LINGO2: variants seen among roughly 807,000 people sequenced by gnomAD.
LINGO2 encodes leucine rich repeat and Ig domain containing 2, also known as leucine-rich repeat and immunoglobulin-like domain-containing nogo receptor-interacting protein 2.
LINGO2 carries 14 observed loss-of-function variants against 30.6 expected under a neutral mutation model. That is an observed-to-expected ratio of 0.46 (90% CI 0.30 to 0.72). The LOEUF (loss-of-function observed/expected upper bound fraction) is 0.72. Ranked by LOEUF, LINGO2 falls within the 30% of genes least tolerant of loss-of-function variation. The pLI, the probability that LINGO2 is intolerant of heterozygous loss-of-function variation, is 0.07. For synonymous variants in LINGO2, 317 were observed against 288.5 expected (o/e 1.10, Z -1.00); for missense variants, 729 against 751.7 (o/e 0.97, Z 0.35).
At chr9:28,306,362 G>GATGTTCTTTGAAACCTACGAGA (rs1824354663) in intron 3 of LINGO2, among the ~76,000 whole-genome samples, 1 of 152,066 alleles carries the variant, frequency 6.6e-6, no homozygotes, top group Non-Finnish European at 1.5e-5. Flanking sequence ...CAGAAATAAG[G>GATGTTCTTTGAAACCTACGAGA]ATGTTCTTTG....
At chr9:29,059,465 T>C in the LINGO2 span, among the ~76,000 whole-genome samples, 1 of 151,268 alleles carries the variant, frequency 6.6e-6, no homozygotes, top group African/African-American at 2.4e-5. Flanking sequence ...GGACTCAAAA[T>C]ACCTAATATC....
intron 4 of LINGO2, among the ~76,000 whole-genome samples, chr9:28,163,571 G>T (rs1365085058): frequency 1.3e-5 from 2 of 152,090 alleles, no homozygotes; most frequent in African/African-American, 4.8e-5. Flanking sequence ...GGAGTAATGA[G>T]TAGATAGATA....
At chr9:28,277,854 A>G in intron 4 of LINGO2, among the ~76,000 whole-genome samples, 1 of 151,240 alleles carries the variant, frequency 6.6e-6, no homozygotes, top group Admixed American at 6.6e-5. Context: ...AAAAAACAAA[A>G]AAAAAAACAA....
the LINGO2 span, among the ~76,000 whole-genome samples, chr9:28,740,612 CTTTT>C: frequency 6.6e-6 from 1 of 150,816 alleles, no homozygotes; most frequent in African/African-American, 2.4e-5. Flanking sequence ...CTTTTTTCTT[CTTTT>C]GTGTTGTGAG....
At chr9:28,371,570 G>C (rs1820897717) in intron 3 of LINGO2, among the ~76,000 whole-genome samples, 1 of 152,098 alleles carries the variant, frequency 6.6e-6, no homozygotes, top group African/African-American at 2.4e-5. Flanking sequence ...CATCACCTTG[G>C]GGGTTAGGAC....
At chr9:28,315,405 GA>G (rs11285660) in intron 3 of LINGO2, among the ~76,000 whole-genome samples, 11,032 of 141,316 alleles carry the variant, frequency 0.078, 471 homozygotes, top group South Asian at 0.15. Context: ...CCGTCTCGGG[GA>G]AAAAAAAAAA....
intron 4 of LINGO2, among the ~76,000 whole-genome samples, chr9:28,164,647 A>G (rs2044961): frequency 0.48 from 73,286 of 152,016 alleles, 18,997 homozygotes; most frequent in East Asian, 0.63. Flanking sequence ...ATATCAGGCA[A>G]TCTGAAAAGT....
At chr9:28,116,960 G>C (rs1826924800) in intron 4 of LINGO2, among the ~76,000 whole-genome samples, 1 of 92,034 alleles carries the variant, frequency 1.1e-5, no homozygotes, top group East Asian at 3.2e-4. Context: ...GTGAGGAACT[G>C]CGTTCCTTTG....
At chr9:29,107,943 A>G in the LINGO2 span, among the ~76,000 whole-genome samples, 1 of 152,022 alleles carries the variant, frequency 6.6e-6, no homozygotes, top group Admixed American at 6.6e-5. Context: ...AGAGTATTCT[A>G]TGATTGAAAA....
At chr9:28,619,313 C>G (rs1236306198) in intron 1 of LINGO2, among the ~76,000 whole-genome samples, 1 of 152,068 alleles carries the variant, frequency 6.6e-6, no homozygotes, top group Middle Eastern at 3.4e-3. Context: ...CAGAAGAAAC[C>G]TGAAAATTAT....
chr9:29,041,404 T>G, the LINGO2 span, among the ~76,000 whole-genome samples: 1 of 152,014 alleles, frequency 6.6e-6, no homozygotes, highest in Non-Finnish European at 1.5e-5. Context: ...AATAAAGTAT[T>G]AATTATTACT....
At chr9:29,066,226 G>C in the LINGO2 span, among the ~76,000 whole-genome samples, 2 of 151,942 alleles carry the variant, frequency 1.3e-5, no homozygotes, top group Middle Eastern at 3.4e-3. Context: ...TATAAACTGG[G>C]GGTGGGAACA....
At chr9:28,707,233 A>G in the LINGO2 span, among the ~76,000 whole-genome samples, 1 of 152,130 alleles carries the variant, frequency 6.6e-6, no homozygotes, top group Non-Finnish European at 1.5e-5. Flanking sequence ...CATCTTCCAG[A>G]CAATTAAACT....
At position 28,410,185 on chromosome 9, in the gene LINGO2, G is replaced by GGAAA. The variant is rs201784853; in HGVS notation, c.-278-37318_-278-37317insTTTC. Among the ~76,000 whole-genome samples the GGAAA allele has an allele frequency of 3.4e-3, 509 of 149,834 alleles. 3 individuals are homozygous for GGAAA. The highest frequency in any genetic ancestry group is 0.012 in the African/African-American group (489 of 40,522). On this transcript the variant is annotated intron_variant, in intron 2 of 5. Coordinates refer to ENST00000379992, the Ensembl canonical transcript of LINGO2. ...AGAGAAAGAGAAAGAGGAAAGGAAA[G>GGAAA]GGAAAGGAAAGGAAGAAATAGAGGT...
the LINGO2 span, among the ~76,000 whole-genome samples, chr9:28,696,130 CT>C: frequency 6.6e-6 from 1 of 151,758 alleles, no homozygotes; most frequent in Non-Finnish European, 1.5e-5. Flanking sequence ...GTTGTTAGTT[CT>C]TTCCAAAGCT....
chr9:28,745,848 A>G, the LINGO2 span, among the ~76,000 whole-genome samples: 1 of 152,074 alleles, frequency 6.6e-6, no homozygotes, highest in Non-Finnish European at 1.5e-5. Context: ...ATCATTTCAT[A>G]GCGGTATCAC....
chr9:29,067,174 C>T, the LINGO2 span, among the ~76,000 whole-genome samples: 3 of 151,650 alleles, frequency 2.0e-5, no homozygotes, highest in Non-Finnish European at 4.4e-5. Context: ...ATTAATATTT[C>T]TTAGCCATTG....
chr9:28,635,414 T>C (rs559921300), intron 1 of LINGO2, among the ~76,000 whole-genome samples: 1 of 152,248 alleles, frequency 6.6e-6, no homozygotes, highest in East Asian at 1.9e-4. Context: ...TAGTAAAAGT[T>C]AGCTTAACTT....
At chr9:27,962,010 G>A (rs1415433567) in intron 5 of LINGO2, among the ~76,000 whole-genome samples, 1 of 152,080 alleles carries the variant, frequency 6.6e-6, no homozygotes, top group Admixed American at 6.6e-5. Context: ...AAAATGTGTG[G>A]GGTGCCTGGG....
Sources: gnomAD v4.1 joint callset for allele counts (sites outside exome capture counted in the v4.1 genomes callset) on GRCh38, gnomAD v4.1.1 for gene constraint, MANE v1.5 for transcripts, NCBI Gene and HGNC (gene_info 2026-07-23, HGNC 2026-07-21) for gene names.